XYLT1: variants seen among roughly 807,000 people sequenced by gnomAD.
XYLT1 encodes xylosyltransferase 1.
A neutral mutation model predicts 91.3 loss-of-function variants in XYLT1; 36 were observed. That is an observed-to-expected ratio of 0.39 (90% CI 0.30 to 0.52). The LOEUF (loss-of-function observed/expected upper bound fraction) is 0.52. Ranked by LOEUF, XYLT1 falls within the 20% of genes least tolerant of loss-of-function variation. XYLT1 has a pLI of 0.68. For synonymous variants in XYLT1, 588 were observed against 532.0 expected (o/e 1.11, Z -1.45); for missense variants, 1,242 against 1,284.5 (o/e 0.97, Z 0.51).
chr16:17,238,853 A>C (rs1374598247), intron 3 of XYLT1, among the ~76,000 whole-genome samples: 1 of 152,208 alleles, frequency 6.6e-6, no homozygotes, highest in African/African-American at 2.4e-5. Flanking sequence ...CAACTTTTCC[A>C]AATAAGTCGA....
Position 17,102,713 on chromosome 16 carries a change from C to T in XYLT1, c.*5982G>A, listed in dbSNP as rs1966721644. The T allele has an allele frequency of 6.6e-6, 1 of 152,396 alleles. No individual in the cohort carries two copies. The highest frequency in any genetic ancestry group is 1.5e-5 in the Non-Finnish European group (1 of 68,042). 9.4% of individuals were successfully genotyped at this position (152,396 alleles called of 1,614,324 possible). A position where few individuals can be genotyped will look rare whatever the true frequency, so the allele number is the denominator to read the frequency against. ...CTTTAAATAAATAGCAAAATATCTA[C>T]ATATTTCAGCGTGTGCCATTTGAAT... is the stretch of plus-strand genomic sequence containing the variant. On this transcript the variant is annotated 3_prime_UTR_variant, in exon 12 of 12. Coordinates refer to ENST00000261381, the MANE Select transcript of XYLT1 (RefSeq NM_022166.4).
intron 1 of XYLT1, among the ~76,000 whole-genome samples, chr16:17,378,089 A>G (rs935997162): frequency 6.6e-6 from 1 of 151,958 alleles, no homozygotes; most frequent in Non-Finnish European, 1.5e-5. Flanking sequence ...GGTTTCCTCC[A>G]CTAGGCATGG....
At chr16:17,413,428 A>C (rs2036137938) in intron 1 of XYLT1, among the ~76,000 whole-genome samples, 1 of 142,640 alleles carries the variant, frequency 7.0e-6, no homozygotes, top group South Asian at 2.2e-4. Flanking sequence ...ACACTTTCTT[A>C]TTTTTTGTCA....
intron 2 of XYLT1, among the ~76,000 whole-genome samples, chr16:17,352,872 A>G (rs1428788593): frequency 1.3e-5 from 2 of 152,204 alleles, no homozygotes; most frequent in Non-Finnish European, 2.9e-5. Flanking sequence ...TGTATCTTTC[A>G]CAGTTAGCAC....
intron 1 of XYLT1, among the ~76,000 whole-genome samples, chr16:17,411,697 T>G (rs1009304468): frequency 6.6e-6 from 1 of 152,196 alleles, no homozygotes; most frequent in African/African-American, 2.4e-5. Flanking sequence ...ATAGTTGTAG[T>G]TCAACAAGAG....
intron 1 of XYLT1, among the ~76,000 whole-genome samples, chr16:17,359,681 C>T (rs752727771): frequency 1.3e-5 from 2 of 152,150 alleles, no homozygotes; most frequent in Non-Finnish European, 2.9e-5. Context: ...ATATGTTCTC[C>T]CCGTCTCCCC....
chr16:17,128,676 T>A (rs1474110770), intron 9 of XYLT1, among the ~76,000 whole-genome samples: 1 of 152,188 alleles, frequency 6.6e-6, no homozygotes, highest in African/African-American at 2.4e-5. Flanking sequence ...AAAAGTGGTT[T>A]GTTGTTTTAA....
intron 6 of XYLT1, among the ~76,000 whole-genome samples, chr16:17,149,120 A>T (rs2031216698): frequency 6.6e-6 from 1 of 152,186 alleles, no homozygotes; most frequent in African/African-American, 2.4e-5. Flanking sequence ...AGAAGTCCTG[A>T]TTCTCCCCCA....
At chr16:17,203,327 T>C (rs564254316) in intron 3 of XYLT1, among the ~76,000 whole-genome samples, 2 of 152,338 alleles carry the variant, frequency 1.3e-5, no homozygotes, top group South Asian at 4.1e-4. Flanking sequence ...AATAAGGCTG[T>C]ATCTTTTCAT....
chr16:17,163,334 G>A (rs1443472346), intron 5 of XYLT1, among the ~76,000 whole-genome samples: 1 of 152,248 alleles, frequency 6.6e-6, no homozygotes, highest in African/African-American at 2.4e-5. Context: ...AGAGAGGGCA[G>A]AGTTCTCAGG....
chr16:17,462,047 C>T (rs752524463), intron 1 of XYLT1, among the ~76,000 whole-genome samples: 9 of 152,270 alleles, frequency 5.9e-5, no homozygotes, highest in Non-Finnish European at 1.2e-4. Context: ...AACCTCTCTG[C>T]CCCACAAACT....
chr16:17,380,661 A>G (rs2035668811), intron 1 of XYLT1, among the ~76,000 whole-genome samples: 1 of 152,226 alleles, frequency 6.6e-6, no homozygotes, highest in South Asian at 2.1e-4. Flanking sequence ...TTCACAACCT[A>G]GTGAAAAGAA....
In XYLT1 at chr16:17,107,872, A is replaced by G. The variant is rs1382349686; in HGVS notation, c.*823T>C. 6.6e-6 allele frequency: 1 copy of G among 152,670 alleles called. No homozygotes were observed. Among genetic ancestry groups the G allele is most frequent in the African/African-American group, 2.4e-5 (1 of 41,466 alleles). 9.5% of individuals were successfully genotyped at this position (152,670 alleles called of 1,614,324 possible). Reference sequence around the variant, plus strand: ...TCCTATTTCTGCTACTTTGTGTGGCAGCCTTGAGGGAAGGAGGCCCAGACC... The same window carrying G: ...TCCTATTTCTGCTACTTTGTGTGGCGGCCTTGAGGGAAGGAGGCCCAGACC... On this transcript the variant is annotated 3_prime_UTR_variant, in exon 12 of 12. Coordinates refer to ENST00000261381, the MANE Select transcript of XYLT1 (RefSeq NM_022166.4).
At chr16:17,436,350 G>A (rs534776926) in intron 1 of XYLT1, among the ~76,000 whole-genome samples, 232 of 152,292 alleles carry the variant, frequency 1.5e-3, no homozygotes, top group Admixed American at 5.2e-3. Context: ...GACAGGAAGG[G>A]GTAAAGGGAT....
intron 10 of XYLT1, among the ~76,000 whole-genome samples, chr16:17,127,335 A>G (rs1194701710): frequency 6.6e-6 from 1 of 152,186 alleles, no homozygotes; most frequent in African/African-American, 2.4e-5. Flanking sequence ...AAATCTTTGG[A>G]TCTCTATAAG....
intron 2 of XYLT1, among the ~76,000 whole-genome samples, chr16:17,333,104 T>TG (rs2034925743): frequency 6.6e-6 from 1 of 151,692 alleles, no homozygotes; most frequent in African/African-American, 2.4e-5. Context: ...CAATTTAAAA[T>TG]GGAAAAAAAA....
chr16:17,298,586 G>A (rs575902767), intron 2 of XYLT1, among the ~76,000 whole-genome samples: 2 of 152,288 alleles, frequency 1.3e-5, no homozygotes, highest in South Asian at 2.1e-4. Context: ...TGAAAAACTG[G>A]TCTACCTGCT....
intron 2 of XYLT1, among the ~76,000 whole-genome samples, chr16:17,289,131 A>C (rs2034185419): frequency 6.6e-6 from 1 of 152,236 alleles, no homozygotes; most frequent in Admixed American, 6.5e-5. Context: ...AGGCCTTGTA[A>C]GCCATACAGT....
intron 3 of XYLT1, among the ~76,000 whole-genome samples, chr16:17,210,850 G>T (rs2032743862): frequency 6.6e-6 from 1 of 152,156 alleles, no homozygotes; most frequent in Admixed American, 6.5e-5. Context: ...CAAACTCTCA[G>T]GTCAATGCAA....
Sources: allele counts gnomAD v4.1 joint callset (sites outside exome capture counted in the v4.1 genomes callset), GRCh38; gene constraint gnomAD v4.1.1; transcripts MANE v1.5; gene names NCBI Gene and HGNC (gene_info 2026-07-23, HGNC 2026-07-21).